Variants in CCNE1 observed in about 807,000 individuals in gnomAD.
The protein encoded by CCNE1 is cyclin E1.
Under a neutral mutation model 54.1 loss-of-function variants are expected in CCNE1, and 8 were observed. The ratio of observed to expected loss-of-function variants is 0.15; its 90% CI spans 0.09 to 0.27. CCNE1 has a LOEUF of 0.27. Among genes scored for constraint, CCNE1 ranks in the 10% least tolerant of loss-of-function variants. CCNE1 has a pLI of 1.00. For synonymous variants in CCNE1, 179 were observed against 185.2 expected, an observed-to-expected ratio of 0.97 and a Z score of 0.27; for missense variants, 430 against 514.9, an observed-to-expected ratio of 0.84 and a Z score of 1.60.
chr19:29,812,645 C>T, intron 2 of CCNE1, 44 bp from the exon 3 acceptor site: 1 of 1,554,722 alleles, frequency 6.4e-7, no homozygotes, highest in Non-Finnish European at 8.7e-7. Context: ...GGGGGAGGGG[C>T]GGCCGCGGGT....
At chr19:29,815,714 C>T (rs1973999902) in intron 4 of CCNE1, among the ~76,000 whole-genome samples, 1 of 151,322 alleles carries the variant, frequency 6.6e-6, no homozygotes, top group Admixed American at 6.6e-5. Context: ...CTGCAACCTC[C>T]GCCTCCCAGG....
In CCNE1 at chr19:29,821,782, G is replaced by A. The variant is rs751127659; in HGVS notation, c.670G>A (p.Asp224Asn). 1 of 1,613,288 alleles carries A rather than the reference G, an allele frequency of 6.2e-7. No homozygotes were observed. The highest frequency in any genetic ancestry group is 2.2e-5 in the East Asian group (1 of 44,872). The change falls in exon 8 of 12, where the codon GAT (aspartate) becomes AAT (asparagine). Residue 224 changes from aspartate to asparagine, a missense_variant. Transcript: ENST00000262643. ...TGTGACAGATGGAGCTTGTTCAGGA[G>A]ATGAAATTCTCACCATGGAATTAAT... ...AYVTDGACSG[D>N]EILTMELMIM...
Position 29,817,188 on chromosome 19 carries a change from C to G in CCNE1, c.232C>G (p.Pro78Ala). The change falls in exon 5 of 12, where the codon CCT becomes GCT. Residue 78 changes from proline (P) to alanine (A), a missense_variant. Transcript: ENST00000262643. ...AGACCCCTGCTCCCTGATCCCCACA[C>G]CTGACAAAGAAGATGATGACCGGGT... ...CADPCSLIPT[P>A]DKEDDDRVYP... 6.2e-7 allele frequency: 1 copy of G among 1,614,136 alleles called. No individual in the cohort carries two copies. The highest frequency in any genetic ancestry group is 8.5e-7 in the Non-Finnish European group (1 of 1,180,022).
chr19:29,820,542 C>T (rs1974123368), intron 6 of CCNE1, among the ~76,000 whole-genome samples, 160 bp from the exon 7 acceptor site: 1 of 149,960 alleles, frequency 6.7e-6, no homozygotes, highest in Non-Finnish European at 1.5e-5. Flanking sequence ...CAGAATAAGG[C>T]ACCTCAAAAA....
In CCNE1 at chr19:29,813,127, A is replaced by C; in HGVS notation, c.180+90A>C. On this transcript the variant is annotated intron_variant, in intron 4 of 11. Coordinates refer to ENST00000262643, the MANE Select transcript of CCNE1 (RefSeq NM_001238.4). Reference sequence around the variant, plus strand: ...TGCTGTCTTGTCTCTTGCTGGAGACACTCTGGTGAGAGTGAACTTCTCTAA... The same window carrying C: ...TGCTGTCTTGTCTCTTGCTGGAGACCCTCTGGTGAGAGTGAACTTCTCTAA... 5.7e-6 allele frequency: 7 copies of C among 1,227,996 alleles called. No individual in the cohort carries two copies. The South Asian group carries it at 8.5e-5, about 15-fold the overall frequency. The allele number at this position is 1,227,996 out of a possible 1,614,324, so 76.1% of individuals were successfully genotyped here. A position where few individuals can be genotyped will look rare whatever the true frequency, so the allele number is the denominator to read the frequency against.
At chr19:29,822,176 G>C (rs2145729017) in intron 9 of CCNE1, 46 bp downstream of exon 9, 6 of 1,612,010 alleles carry the variant, frequency 3.7e-6, no homozygotes, top group Non-Finnish European at 5.1e-6. Context: ...CCTGCAGCTG[G>C]AGTGAGGAAC....
intron 2 of CCNE1, 26 bp from the exon 3 acceptor site, chr19:29,812,663 C>A: frequency 6.4e-7 from 1 of 1,570,128 alleles, no homozygotes; most frequent in Non-Finnish European, 8.6e-7. Flanking sequence ...GGTGCTCACC[C>A]GGCCCGGTGC....
At chr19:29,816,072 C>G (rs1974008929) in intron 4 of CCNE1, among the ~76,000 whole-genome samples, 1 of 150,564 alleles carries the variant, frequency 6.6e-6, no homozygotes. Context: ...AGGAGGATCG[C>G]TTGACCCCAG....
In CCNE1 at chr19:29,813,104, C is replaced by T. The variant is rs372827331; in HGVS notation, c.180+67C>T. 2.2e-5 allele frequency: 31 copies of T among 1,408,340 alleles called. No homozygotes were observed. In the African/African-American group the frequency reaches 3.1e-4, roughly 14 times the overall value. 87.2% of individuals were successfully genotyped at this position (1,408,340 alleles called of 1,614,324 possible). On this transcript the variant is annotated intron_variant, in intron 4 of 11. Coordinates refer to ENST00000262643, the MANE Select transcript of CCNE1 (RefSeq NM_001238.4). Reference sequence around the variant, plus strand: ...CCCCTGGGTCACATGGGGTTTCATGCTGTCTTGTCTCTTGCTGGAGACACT... The same window carrying T: ...CCCCTGGGTCACATGGGGTTTCATGTTGTCTTGTCTCTTGCTGGAGACACT...
At chr19:29,819,731 A>G (rs1047951590) in intron 6 of CCNE1, among the ~76,000 whole-genome samples, 1 of 152,222 alleles carries the variant, frequency 6.6e-6, no homozygotes, top group Non-Finnish European at 1.5e-5. Flanking sequence ...GGTAGCTTAT[A>G]GTTTCTTGAT....
At chr19:29,821,547 C>CTTTTGT (rs1974145086) in intron 7 of CCNE1, among the ~76,000 whole-genome samples, 175 bp from the exon 8 acceptor site, 1 of 110,442 alleles carries the variant, frequency 9.1e-6, no homozygotes, top group African/African-American at 3.3e-5. Context: ...GAGTTGTGTT[C>CTTTTGT]TTTTTTTTTT....
At chr19:29,817,367 C>A in intron 5 of CCNE1, 39 bp from the exon 6 acceptor site, 1 of 1,613,764 alleles carries the variant, frequency 6.2e-7, no homozygotes, top group Non-Finnish European at 8.5e-7. Context: ...CATTCTTACC[C>A]CTTTGTGGGC....
In CCNE1 at chr19:29,813,045, C is replaced by T; in HGVS notation, c.180+8C>T. 6.2e-7 allele frequency: 1 copy of T among 1,613,912 alleles called. No individual in the cohort carries two copies. Among genetic ancestry groups the T allele is most frequent in the Non-Finnish European group, 8.5e-7 (1 of 1,179,866 alleles). ...GACCAGTGTGGGAGCCAGGTAGGTC[C>T]GCCCGGGGTTGGGCCTCTGTGGAGG... is the stretch of plus-strand genomic sequence containing the variant. On this transcript the variant is annotated splice_region_variant and intron_variant, in intron 4 of 11. Coordinates refer to ENST00000262643, the MANE Select transcript of CCNE1 (RefSeq NM_001238.4).
At chr19:29,816,792 G>A (rs1192089029) in intron 4 of CCNE1, among the ~76,000 whole-genome samples, 1 of 151,720 alleles carries the variant, frequency 6.6e-6, no homozygotes, top group Admixed American at 6.6e-5. Context: ...ATGTTGGTGT[G>A]CTGCACCCAT....
At chr19:29,814,739 G>A (rs933844461) in intron 4 of CCNE1, among the ~76,000 whole-genome samples, 2 of 152,136 alleles carry the variant, frequency 1.3e-5, no homozygotes, top group Admixed American at 1.3e-4. Flanking sequence ...GAGCCATTGT[G>A]CCAAACTCTT....
chr19:29,816,514 C>T (rs1974019613), intron 4 of CCNE1, among the ~76,000 whole-genome samples: 1 of 151,266 alleles, frequency 6.6e-6, no homozygotes, highest in African/African-American at 2.5e-5. Flanking sequence ...GACCTGTGAC[C>T]ATCACTTGAT....
chr19:29,812,620 C>T lies in CCNE1; in HGVS notation c.23+42C>T, dbSNP rs555465146. On this transcript the variant is annotated intron_variant, in intron 2 of 11. Coordinates refer to ENST00000262643, the MANE Select transcript of CCNE1 (RefSeq NM_001238.4). ...CGGGGCCGGACGGGACGGGACGGGACGGGACGGGTGGCGTGGGGGAGGGGC... is the reference window on the plus strand; with the variant it reads ...CGGGGCCGGACGGGACGGGACGGGATGGGACGGGTGGCGTGGGGGAGGGGC... 33 of 1,543,466 alleles carry T rather than the reference C, an allele frequency of 2.1e-5. 1 individual carries two copies. The South Asian group carries it at 3.5e-4, about 16-fold the overall frequency.
At chr19:29,821,506 A>G (rs1454442702) in intron 7 of CCNE1, among the ~76,000 whole-genome samples, 1 of 151,936 alleles carries the variant, frequency 6.6e-6, no homozygotes, top group African/African-American at 2.4e-5. Flanking sequence ...CAATGAGTCA[A>G]AGTTCCATCC....
At chr19:29,823,358 A>C (rs1456213445) in intron 11 of CCNE1, among the ~76,000 whole-genome samples, 1 of 152,166 alleles carries the variant, frequency 6.6e-6, no homozygotes, top group African/African-American at 2.4e-5. Context: ...AGCCAGGCCA[A>C]AATGGCGAAA....
Sources: gnomAD v4.1 joint callset for allele counts (sites outside exome capture counted in the v4.1 genomes callset) on GRCh38, gnomAD v4.1.1 for gene constraint, MANE v1.5 for transcripts, NCBI Gene and HGNC (gene_info 2026-07-23, HGNC 2026-07-21) for gene names.